Variants in SGSM2 observed in about 807,000 individuals in gnomAD.
The protein encoded by SGSM2 is RUN and TBC1 domain containing 1.
SGSM2 carries 89 observed loss-of-function variants against 126.6 expected under a neutral mutation model. The ratio of observed to expected loss-of-function variants is 0.70; its 90% CI spans 0.59 to 0.84. The LOEUF is 0.84. Ranked by LOEUF, SGSM2 falls within the 40% of genes least tolerant of loss-of-function variation. SGSM2 has a pLI of 0.00. For missense variants in SGSM2, 1,404 were observed against 1,416.6 expected, an observed-to-expected ratio of 0.99 and a Z score of 0.14; for synonymous variants, 614 against 574.3, an observed-to-expected ratio of 1.07 and a Z score of -0.99.
At chr17:2,368,898 G>A (rs989512481) in intron 12 of SGSM2, among the ~76,000 whole-genome samples, 1 of 152,154 alleles carries the variant, frequency 6.6e-6, no homozygotes, top group Admixed American at 6.5e-5. Flanking sequence ...AGGCTGGAGG[G>A]TCCTAGCAGA....
intron 2 of SGSM2, among the ~76,000 whole-genome samples, chr17:2,349,171 T>C (rs1429174559): frequency 2.0e-5 from 3 of 151,418 alleles, no homozygotes; most frequent in Non-Finnish European, 4.4e-5. Flanking sequence ...AGGTCAGGAG[T>C]TCGAGACCAG....
intron 21 of SGSM2, 30 bp downstream of exon 21, chr17:2,377,098 G>C: frequency 6.8e-7 from 1 of 1,460,396 alleles, no homozygotes. Flanking sequence ...ATGGGCATGG[G>C]AGCAGGCAGT....
At position 2,363,214 on chromosome 17, in the gene SGSM2, CG is replaced by C; in HGVS notation, c.672+83del. On this transcript the variant is annotated intron_variant, in intron 6 of 23. Transcript: ENST00000268989. The surrounding 1 kb of genome is among the most constrained non-coding windows in gnomAD (Gnocchi z 4.2). ...TAGGGACGGGAAACCGGCCTCTCTA[CG>C]GGACAGGCCTTGGAGATGCCCCAAG... 1 of 1,479,116 alleles carries C rather than the reference CG, an allele frequency of 6.8e-7. No homozygotes were observed. Among genetic ancestry groups the C allele is most frequent in the Non-Finnish European group, 9.0e-7 (1 of 1,110,982 alleles). The allele number at this position is 1,479,116 out of a possible 1,614,324, so 91.6% of individuals were successfully genotyped here. A position where few individuals can be genotyped will look rare whatever the true frequency, so the allele number is the denominator to read the frequency against.
chr17:2,345,586 ACT>A (rs2064566488), intron 2 of SGSM2, among the ~76,000 whole-genome samples: 1 of 128,820 alleles, frequency 7.8e-6, no homozygotes, highest in Non-Finnish European at 1.6e-5. Flanking sequence ...ACAGAGCGAG[ACT>A]CTGTCTCAAA....
Position 2,350,920 on chromosome 17 carries a change from G to C in SGSM2, c.133+7300G>C, listed in dbSNP as rs901706003. Among the ~76,000 whole-genome samples, 34 of 152,208 alleles carry C rather than the reference G, an allele frequency of 2.2e-4. 1 individual carries two copies. Among genetic ancestry groups the C allele is most frequent in the Admixed American group, 2.2e-3 (34 of 15,282 alleles). On this transcript the variant is annotated intron_variant, in intron 2 of 23. Transcript: ENST00000268989. ...CCTAATTACATCAGAAGCTCAGAGA[G>C]GTTTAGTGACTTGACCAAAGTCAAA... is the stretch of plus-strand genomic sequence containing the variant.
rs544568417 is a variant in SGSM2, at chr17:2,370,029, G to A, written c.1424-1233G>A. On this transcript the variant is annotated intron_variant, in intron 12 of 23. Transcript: ENST00000268989. ...AGGCAGGGCAACCGCTGAGGGAACC[G>A]GAAGGGGCTCAGCTCAGCCCTCCTC... Among the ~76,000 whole-genome samples, 20 of 152,274 alleles carry A rather than the reference G, an allele frequency of 1.3e-4. No homozygotes were observed. The South Asian group carries it at 1.9e-3, about 14-fold the overall frequency.
chr17:2,364,456 A>G (rs893141569), intron 8 of SGSM2, 140 bp from the exon 9 acceptor site: 2 of 943,016 alleles, frequency 2.1e-6, no homozygotes, highest in Non-Finnish European at 3.3e-6. Flanking sequence ...CTCAGGGGTC[A>G]TGGCTGGCTG....
In SGSM2 at chr17:2,373,514, G is replaced by A. The variant is rs774975967; in HGVS notation, c.2100+1G>A. On this transcript the variant is annotated splice_donor_variant, in intron 17 of 23. Transcript: ENST00000268989. LOFTEE classifies it high-confidence loss of function. ...CCGAGACTCCACCATCAGCAACGAT[G>A]TGAGCCAGACGGGACCTGGAGGGTT... is the stretch of plus-strand genomic sequence containing the variant. 1 of 1,600,654 alleles carries A rather than the reference G, an allele frequency of 6.2e-7. No homozygotes were observed. The highest frequency in any genetic ancestry group is 1.3e-5 in the African/African-American group (1 of 74,786).
In SGSM2 at chr17:2,380,166, A is replaced by G; in HGVS notation, c.*646A>G. On this transcript the variant is annotated 3_prime_UTR_variant, in exon 24 of 24. Coordinates refer to ENST00000268989, the MANE Select transcript of SGSM2 (RefSeq NM_014853.3). Reference sequence around the variant, plus strand: ...AGCAGCACTGCCACTGCCTTTGGCCACCTGAGGTGACCCCCAGGCCTCCCC... The same window carrying G: ...AGCAGCACTGCCACTGCCTTTGGCCGCCTGAGGTGACCCCCAGGCCTCCCC... 6.7e-7 allele frequency: 1 copy of G among 1,490,106 alleles called. No individual in the cohort carries two copies. Among genetic ancestry groups the G allele is most frequent in the East Asian group, 2.6e-5 (1 of 38,834 alleles). 92.3% of individuals were successfully genotyped at this position (1,490,106 alleles called of 1,614,324 possible). A position where few individuals can be genotyped will look rare whatever the true frequency, so the allele number is the denominator to read the frequency against.
In SGSM2 at chr17:2,337,814, C is replaced by T. The variant is rs78221495; in HGVS notation, c.57+69C>T. 4 of 1,244,480 alleles carry T rather than the reference C, an allele frequency of 3.2e-6. No individual in the cohort carries two copies. Among genetic ancestry groups the T allele is most frequent in the Non-Finnish European group, 4.3e-6 (4 of 937,884 alleles). The allele number at this position is 1,244,480 out of a possible 1,614,324, so 77.1% of individuals were successfully genotyped here. A position where few individuals can be genotyped will look rare whatever the true frequency, so the allele number is the denominator to read the frequency against. ...GCGCGGCCCAGGGGGCAGAAAGGTC[C>T]GCGCCCACCCCCCGGCGCGGGCACC... is the stretch of plus-strand genomic sequence containing the variant. On this transcript the variant is annotated intron_variant, in intron 1 of 23. Coordinates refer to ENST00000268989, the MANE Select transcript of SGSM2 (RefSeq NM_014853.3). This position sits in a 1 kb window ranked among gnomAD's most constrained non-coding sequence, Gnocchi z 5.1.
At chr17:2,375,296 C>G in intron 17 of SGSM2, 196 bp from the exon 18 acceptor site, 2 of 610,780 alleles carry the variant, frequency 3.3e-6, no homozygotes. Context: ...TCATGTTTGG[C>G]CAGAGGCTTG....
chr17:2,380,560 A>C lies in SGSM2; in HGVS notation c.*1040A>C. 1.8e-6 allele frequency: 1 copy of C among 555,904 alleles called. No individual in the cohort carries two copies. The highest frequency in any genetic ancestry group is 2.0e-5 in the South Asian group (1 of 49,420). The allele number at this position is 555,904 out of a possible 1,614,324, so 34.4% of individuals were successfully genotyped here. On this transcript the variant is annotated 3_prime_UTR_variant, in exon 24 of 24. Coordinates refer to ENST00000268989, the MANE Select transcript of SGSM2 (RefSeq NM_014853.3). Reference sequence around the variant, plus strand: ...TGCTTCTCAGGATGCCAAGAGGCCTAGGAACCCAGAAACCCCCTTGGAGGA... The same window carrying C: ...TGCTTCTCAGGATGCCAAGAGGCCTCGGAACCCAGAAACCCCCTTGGAGGA...
At position 2,380,150 on chromosome 17, in the gene SGSM2, G is replaced by A. The variant is rs2066350726; in HGVS notation, c.*630G>A. The A allele has an allele frequency of 6.8e-7, 1 of 1,467,012 alleles. No individual in the cohort carries two copies. The highest frequency in any genetic ancestry group is 9.0e-7 in the Non-Finnish European group (1 of 1,109,516). 90.9% of individuals were successfully genotyped at this position (1,467,012 alleles called of 1,614,324 possible). A position where few individuals can be genotyped will look rare whatever the true frequency, so the allele number is the denominator to read the frequency against. On this transcript the variant is annotated 3_prime_UTR_variant, in exon 24 of 24. Coordinates refer to ENST00000268989, the MANE Select transcript of SGSM2 (RefSeq NM_014853.3). ...GGGAGCAGCCCACTTCAGCAGCACT[G>A]CCACTGCCTTTGGCCACCTGAGGTG...
chr17:2,358,233 C>T (rs1234660590), intron 2 of SGSM2, among the ~76,000 whole-genome samples: 1 of 152,198 alleles, frequency 6.6e-6, no homozygotes, highest in South Asian at 2.1e-4. Flanking sequence ...CATGTGGACT[C>T]TCCCTGGGGA....
At chr17:2,343,222 A>G (rs1449746243) in intron 1 of SGSM2, among the ~76,000 whole-genome samples, 4 of 152,178 alleles carry the variant, frequency 2.6e-5, no homozygotes, top group Non-Finnish European at 5.9e-5. Flanking sequence ...ATATCTGCCC[A>G]GAAGCCCTTC....
intron 1 of SGSM2, among the ~76,000 whole-genome samples, chr17:2,343,097 G>C (rs1482001595): frequency 1.3e-5 from 2 of 152,204 alleles, no homozygotes. Context: ...AGCATGTAGA[G>C]GGTGTCCCTG....
In SGSM2 at chr17:2,372,838, G is replaced by A; in HGVS notation, c.1789-115G>A. Reference sequence around the variant, plus strand: ...CCACCCCAAAGCAGGCCTTGCCTGGGCTTCAGCAGTCACTACAGGCCCCGC... The same window carrying A: ...CCACCCCAAAGCAGGCCTTGCCTGGACTTCAGCAGTCACTACAGGCCCCGC... On this transcript the variant is annotated intron_variant, in intron 15 of 23. Coordinates refer to ENST00000268989, the MANE Select transcript of SGSM2 (RefSeq NM_014853.3). The surrounding 1 kb of genome is among the most constrained non-coding windows in gnomAD (Gnocchi z 6.0). 3 of 1,401,672 alleles carry A rather than the reference G, an allele frequency of 2.1e-6. No homozygotes were observed. Among genetic ancestry groups the A allele is most frequent in the Non-Finnish European group, 2.9e-6 (3 of 1,049,276 alleles). 86.8% of individuals were successfully genotyped at this position (1,401,672 alleles called of 1,614,324 possible).
At chr17:2,377,670 G>A in intron 21 of SGSM2, 187 bp from the exon 22 acceptor site, 1 of 491,146 alleles carries the variant, frequency 2.0e-6, no homozygotes, top group Non-Finnish European at 3.7e-6. Flanking sequence ...AGGGGCAGCA[G>A]GAGCAACCCA....
intron 19 of SGSM2, 121 bp downstream of exon 19, chr17:2,376,382 C>A (rs2066155304): frequency 6.6e-6 from 9 of 1,358,660 alleles, no homozygotes; most frequent in Non-Finnish European, 8.0e-6. Flanking sequence ...CTTGGCTCCC[C>A]CTGCCTGGAA....
Sources: gnomAD v4.1 joint callset for allele counts (sites outside exome capture counted in the v4.1 genomes callset) on GRCh38, gnomAD v4.1.1 for gene constraint, Gnocchi (gnomAD v3.1) non-coding constraint, MANE v1.5 for transcripts, NCBI Gene and HGNC (gene_info 2026-07-23, HGNC 2026-07-21) for gene names.